The following ATP8A1 variants were observed in gnomAD, a reference collection of about 807,000 sequenced individuals.
ATP8A1 encodes the protein phospholipid-transporting ATPase IA.
ATP8A1 carries 90 observed loss-of-function variants against 177.7 expected under a neutral mutation model. The ratio of observed to expected loss-of-function variants is 0.51; its 90% CI spans 0.43 to 0.60. ATP8A1 has a LOEUF of 0.60. ATP8A1 is among the 20% of genes least tolerant of loss of function. The pLI is 0.00. For missense variants in ATP8A1, 1,072 were observed against 1,392.8 expected, an observed-to-expected ratio of 0.77 and a Z score of 3.67; for synonymous variants, 493 against 485.9, an observed-to-expected ratio of 1.01 and a Z score of -0.19.
Position 42,444,629 on chromosome 4 carries a change from C to A in ATP8A1, c.2964G>T (p.Val988=). 6.2e-7 allele frequency: 1 copy of A among 1,613,724 alleles called. No individual in the cohort carries two copies. Among genetic ancestry groups the A allele is most frequent in the African/African-American group, 1.3e-5 (1 of 75,020 alleles). Residue 988 remains valine, a synonymous_variant, in exon 32 of 37, where the codon GTG becomes GTT. Coordinates refer to ENST00000381668, the MANE Select transcript of ATP8A1 (RefSeq NM_006095.2). ...CAGCTTTCAAACACACAGTTATCAC[C>A]ACAAACTAAAACAGAAGGGGAAAAT... ...LLLGNFVYTF[V]VITVCLKAGL... is the part of the protein sequence containing the mutation.
intron 1 of ATP8A1, among the ~76,000 whole-genome samples, chr4:42,637,690 TGATA>T (rs1402598257): frequency 6.6e-6 from 1 of 152,206 alleles, no homozygotes; most frequent in East Asian, 1.9e-4. Context: ...GCTCTGACAC[TGATA>T]GATAGATTCA....
intron 22 of ATP8A1, among the ~76,000 whole-genome samples, chr4:42,518,960 G>C (rs758283063): frequency 9.2e-5 from 14 of 152,168 alleles, no homozygotes; most frequent in Non-Finnish European, 1.8e-4. Flanking sequence ...TAGAATCTGA[G>C]ATCAAGAAAG....
At chr4:42,471,343 T>C (rs1169958584) in intron 25 of ATP8A1, among the ~76,000 whole-genome samples, 2 of 152,172 alleles carry the variant, frequency 1.3e-5, no homozygotes, top group Non-Finnish European at 2.9e-5. Context: ...ATATAGAGAC[T>C]GAGTCTACAG....
At chr4:42,553,318 C>T (rs12642419) in intron 16 of ATP8A1, among the ~76,000 whole-genome samples, 66,659 of 151,978 alleles carry the variant, frequency 0.44, 14,556 homozygotes, top group African/African-American at 0.46. Context: ...TCTTACTGCA[C>T]TGGGGTTATA....
chr4:42,443,736 A>C (rs1716897348), intron 32 of ATP8A1, 64 bp from the exon 33 acceptor site: 2 of 746,482 alleles, frequency 2.7e-6, no homozygotes, highest in South Asian at 3.0e-5. Context: ...AATACTAATG[A>C]AACTCTCTCA....
chr4:42,435,288 TG>T (rs1715786317), intron 33 of ATP8A1, among the ~76,000 whole-genome samples: 1 of 151,916 alleles, frequency 6.6e-6, no homozygotes, highest in Admixed American at 6.6e-5. Flanking sequence ...TGGCTGGGCG[TG>T]GTGGCGGGCA....
At chr4:42,599,649 A>G (rs1735052327) in intron 6 of ATP8A1, among the ~76,000 whole-genome samples, 1 of 152,188 alleles carries the variant, frequency 6.6e-6, no homozygotes. Flanking sequence ...AAGGGCATGG[A>G]CTTCAACTAG....
chr4:42,538,978 T>G (rs1929637), intron 20 of ATP8A1, among the ~76,000 whole-genome samples: 1 of 152,152 alleles, frequency 6.6e-6, no homozygotes, highest in Non-Finnish European at 1.5e-5. Flanking sequence ...CAGCACAATT[T>G]GCAATTGCAA....
At chr4:42,548,578 T>G (rs1358742389) in intron 19 of ATP8A1, among the ~76,000 whole-genome samples, 1 of 152,184 alleles carries the variant, frequency 6.6e-6, no homozygotes, top group Non-Finnish European at 1.5e-5. Context: ...TTCTAGTATT[T>G]TGAAATACAC....
chr4:42,586,174 A>G (rs573337460), intron 9 of ATP8A1, among the ~76,000 whole-genome samples, 175 bp downstream of exon 9: 1 of 152,334 alleles, frequency 6.6e-6, no homozygotes, highest in South Asian at 2.1e-4. Context: ...ACATGAATGG[A>G]TAAGATTCAA....
intron 11 of ATP8A1, among the ~76,000 whole-genome samples, chr4:42,579,049 T>C (rs1284166614): frequency 6.6e-6 from 1 of 152,046 alleles, no homozygotes; most frequent in African/African-American, 2.4e-5. Context: ...GTTTTTGCTA[T>C]GTGATTGTAC....
In ATP8A1 at chr4:42,583,631, G is replaced by T. The variant is rs13124088; in HGVS notation, c.723-1899C>A. On this transcript the variant is annotated intron_variant, in intron 9 of 36. Coordinates refer to ENST00000381668, the MANE Select transcript of ATP8A1 (RefSeq NM_006095.2). ...GTTTTCATCATAGCTGGTGTTCCAAGGCTTCTGGCATTAGACTATGACCCT... is the reference window on the plus strand; with the variant it reads ...GTTTTCATCATAGCTGGTGTTCCAATGCTTCTGGCATTAGACTATGACCCT... Among the ~76,000 whole-genome samples, 499 of 152,178 alleles carry T rather than the reference G, an allele frequency of 3.3e-3. 2 individuals carry two copies. Among genetic ancestry groups the T allele is most frequent in the African/African-American group, 0.011 (477 of 41,530 alleles).
chr4:42,422,277 A>G (rs998664557), intron 35 of ATP8A1, among the ~76,000 whole-genome samples: 11 of 151,978 alleles, frequency 7.2e-5, no homozygotes, highest in African/African-American at 2.2e-4. Context: ...TTCTTAGTAG[A>G]GATGGAATTT....
intron 24 of ATP8A1, among the ~76,000 whole-genome samples, chr4:42,498,208 T>C (rs924716976): frequency 2.0e-5 from 3 of 152,060 alleles, no homozygotes; most frequent in African/African-American, 7.2e-5. Context: ...TTTTCTGGAG[T>C]TGAGTCAATA....
chr4:42,557,538 T>G (rs1456770811), intron 15 of ATP8A1, among the ~76,000 whole-genome samples: 8 of 152,234 alleles, frequency 5.3e-5, no homozygotes, highest in African/African-American at 1.9e-4. Flanking sequence ...TATGCCTTAT[T>G]AATCTCACCA....
At chr4:42,461,481 G>A (rs567046570) in intron 27 of ATP8A1, among the ~76,000 whole-genome samples, 1 of 152,222 alleles carries the variant, frequency 6.6e-6, no homozygotes, top group African/African-American at 2.4e-5. Flanking sequence ...CCCTGCACAA[G>A]TTCTCTTGCT....
chr4:42,580,258 T>C (rs1363454235), intron 10 of ATP8A1, among the ~76,000 whole-genome samples: 2 of 152,200 alleles, frequency 1.3e-5, no homozygotes, highest in Non-Finnish European at 2.9e-5. Context: ...TTTTGCATTG[T>C]GGCAGGTAAG....
At chr4:42,655,108 G>C (rs1256832483) in intron 1 of ATP8A1, among the ~76,000 whole-genome samples, 1 of 152,198 alleles carries the variant, frequency 6.6e-6, no homozygotes, top group African/African-American at 2.4e-5. Context: ...GACGCACAGG[G>C]AATACAAAGA....
chr4:42,524,711 G>A (rs1001856925), intron 21 of ATP8A1, 52 bp downstream of exon 21: 29 of 1,172,722 alleles, frequency 2.5e-5, no homozygotes, highest in African/African-American at 2.0e-4. Context: ...GGTATCAGAA[G>A]TATATGATTT....
Sources: gnomAD v4.1 joint callset for allele counts (sites outside exome capture counted in the v4.1 genomes callset) on GRCh38, gnomAD v4.1.1 for gene constraint, MANE v1.5 for transcripts, NCBI Gene and HGNC (gene_info 2026-07-23, HGNC 2026-07-21) for gene names.